The following CAMSAP1 variants were observed in gnomAD, a reference collection of about 807,000 sequenced individuals.
CAMSAP1 encodes calmodulin-regulated spectrin-associated protein 1.
In CAMSAP1, 58 loss-of-function variants were observed where a neutral mutation model predicts 143.5. The observed-to-expected ratio is 0.40, with a 90% CI of 0.33 to 0.50. CAMSAP1 has a LOEUF of 0.50. CAMSAP1 is among the 20% of genes least tolerant of loss of function. The pLI is 0.45. For missense variants in CAMSAP1, 1,969 were observed against 2,115.7 expected (o/e 0.93, Z 1.36); for synonymous variants, 945 against 859.3 (o/e 1.10, Z -1.74).
intron 3 of CAMSAP1, among the ~76,000 whole-genome samples, chr9:135,872,121 T>G (rs1391548086): frequency 6.7e-6 from 1 of 150,218 alleles, no homozygotes; most frequent in Non-Finnish European, 1.5e-5. Context: ...ACGGAAGAGA[T>G]CCTGAGACCA....
Position 135,811,460 on chromosome 9 carries a change from T to C in CAMSAP1, c.4658A>G (p.Asp1553Gly). ...GTCTGAGCTGTATTTATACAGTTTG[T>C]CGATCATTTTCTTGGTGATGTTCTT... ...GPKNITKKMI[D>G]KLYKYSSDRK... Residue 1553 changes from aspartate to glycine, a missense_variant, in exon 17 of 17, where the codon GAC (aspartate) becomes GGC (glycine). Around this residue, in one of 4 missense-constraint regions of CAMSAP1, gnomAD observed 143 missense variants for 200.6 expected, o/e 0.71. Transcript: ENST00000389532. This position sits in a 1 kb window ranked among gnomAD's most constrained non-coding sequence, Gnocchi z 4.9. 6.2e-7 allele frequency: 1 copy of C among 1,612,254 alleles called. No individual in the cohort carries two copies. Among genetic ancestry groups the C allele is most frequent in the Non-Finnish European group, 8.5e-7 (1 of 1,179,036 alleles).
chr9:135,871,500 T>C (rs891635233), intron 3 of CAMSAP1, among the ~76,000 whole-genome samples: 2 of 152,224 alleles, frequency 1.3e-5, no homozygotes, highest in African/African-American at 2.4e-5. Context: ...TAATTTGTTT[T>C]GAAAAATAGT....
intron 4 of CAMSAP1, among the ~76,000 whole-genome samples, chr9:135,863,514 A>G (rs1250382501): frequency 6.6e-6 from 1 of 152,244 alleles, no homozygotes; most frequent in African/African-American, 2.4e-5. Context: ...CCAGCAATCT[A>G]CAATAAAAAA....
chr9:135,812,156 G>A (rs1337598942), intron 16 of CAMSAP1, among the ~76,000 whole-genome samples: 1 of 152,132 alleles, frequency 6.6e-6, no homozygotes, highest in African/African-American at 2.4e-5. Context: ...ATAAATAACA[G>A]CACTATCCCT....
At chr9:135,878,459 T>C (rs1483700409) in intron 3 of CAMSAP1, among the ~76,000 whole-genome samples, 1 of 152,214 alleles carries the variant, frequency 6.6e-6, no homozygotes, top group Non-Finnish European at 1.5e-5. Context: ...AGCAGGCATC[T>C]TGGAAACATG....
rs553833326 is a variant in CAMSAP1 at position 135,852,356 on chromosome 9, A to C, written c.809-1895T>G. 2.4e-4 allele frequency among the ~76,000 whole-genome samples: 37 copies of C among 152,366 alleles called. No homozygotes were observed. The South Asian group carries it at 7.5e-3, about 31-fold the overall frequency. ...GAAAGTTTTACATTTTGATATGGTT[A>C]CATTTAACAATCTTTTCTATTTGTG... is the stretch of plus-strand genomic sequence containing the variant. On this transcript the variant is annotated intron_variant, in intron 5 of 16. Transcript: ENST00000389532.
intron 3 of CAMSAP1, among the ~76,000 whole-genome samples, chr9:135,876,094 T>A (rs113351946): frequency 0.018 from 2,754 of 152,306 alleles, 93 homozygotes; most frequent in African/African-American, 0.064. Flanking sequence ...TAGCTGGGAT[T>A]ACAGGCGCCC....
At position 135,828,602 on chromosome 9, in the gene CAMSAP1, C is replaced by G. The variant is rs367707658; in HGVS notation, c.1046-1018G>C. ...ACTATGACTCATGGCATACAAACTT[C>G]TAGGCCTGGAGAACCTCAAATTCTC... On this transcript the variant is annotated intron_variant, in intron 7 of 16. Transcript: ENST00000389532. Among the ~76,000 whole-genome samples the G allele has an allele frequency of 1.7e-4, 26 of 152,334 alleles. 1 individual carries two copies. In the East Asian group the frequency reaches 3.9e-3, roughly 23 times the overall value.
intron 3 of CAMSAP1, among the ~76,000 whole-genome samples, chr9:135,869,812 C>T (rs1001027927): frequency 3.3e-5 from 5 of 152,094 alleles, no homozygotes; most frequent in Non-Finnish European, 5.9e-5. Flanking sequence ...ATAAACAAAA[C>T]GAGGCGTAAG....
intron 3 of CAMSAP1, among the ~76,000 whole-genome samples, chr9:135,875,459 C>A (rs1837710327): frequency 6.6e-6 from 1 of 152,086 alleles, no homozygotes; most frequent in East Asian, 1.9e-4. Context: ...GACCCACCCG[C>A]CTCAGCCTCC....
chr9:135,833,108 G>T (rs531133872), intron 7 of CAMSAP1, among the ~76,000 whole-genome samples: 29 of 136,642 alleles, frequency 2.1e-4, no homozygotes, highest in African/African-American at 7.5e-4. Flanking sequence ...TTGAGACGGA[G>T]TCTCGCTCTG....
chr9:135,816,093 C>G (rs1835221264), intron 14 of CAMSAP1, 88 bp from the exon 15 acceptor site: 3 of 1,189,666 alleles, frequency 2.5e-6, no homozygotes. Flanking sequence ...GCAACCAGGA[C>G]AGGAAGCACA....
rs746598580 is a variant in CAMSAP1, at chr9:135,821,265, G to A, written c.3396C>T (p.His1132=). The change falls in exon 11 of 17, where the codon CAC becomes CAT. Residue 1132 remains histidine (H), a synonymous_variant. Coordinates refer to ENST00000389532, the MANE Select transcript of CAMSAP1 (RefSeq NM_015447.4). This position sits in a 1 kb window ranked among gnomAD's most constrained non-coding sequence, Gnocchi z 4.6. ...GGCTGCTGGCAGGGAAGGGTCTCAAGTGCGGGAGCGTCTCTACACTGGGCG... is the reference window on the plus strand; with the variant it reads ...GGCTGCTGGCAGGGAAGGGTCTCAAATGCGGGAGCGTCTCTACACTGGGCG... The part of the protein sequence containing the change: ...TPTPSVETLP[H]LRPFPASSHP... The A allele has an allele frequency of 2.5e-6, 4 of 1,609,512 alleles. No homozygotes were observed. Among genetic ancestry groups the A allele is most frequent in the East Asian group, 4.5e-5 (2 of 44,882 alleles).
chr9:135,882,882 G>A lies in CAMSAP1; in HGVS notation c.357C>T (p.Ile119=). The A allele has an allele frequency of 6.4e-7, 1 of 1,551,642 alleles. No individual in the cohort carries two copies. Among genetic ancestry groups the A allele is most frequent in the Non-Finnish European group, 8.7e-7 (1 of 1,147,004 alleles). The change falls in exon 2 of 17, where the codon ATC becomes ATT. Residue 119 remains isoleucine, a synonymous_variant. Coordinates refer to ENST00000389532, the MANE Select transcript of CAMSAP1 (RefSeq NM_015447.4). This position sits in a 1 kb window ranked among gnomAD's most constrained non-coding sequence, Gnocchi z 4.9. ...GGGTGTCATCACTCTCCATCACATA[G>A]ATCCCTTTCCGGGACAGGGCCTGGA... ...SVIQALSRKG[I]YVMESDDTPV...
chr9:135,815,924 C>T lies in CAMSAP1; in HGVS notation c.4353G>A (p.Ala1451=), dbSNP rs776993104. 14 of 1,613,658 alleles carry T rather than the reference C, an allele frequency of 8.7e-6. No homozygotes were observed. Among genetic ancestry groups the T allele is most frequent in the Middle Eastern group, 1.6e-4 (1 of 6,084 alleles). The change falls in exon 15 of 17, where the codon GCG becomes GCA. Residue 1451 remains alanine, a synonymous_variant. Coordinates refer to ENST00000389532, the MANE Select transcript of CAMSAP1 (RefSeq NM_015447.4). ...CGGCCACTGAGGCCAGGGAAGATGC[C>T]GCCGACGCGGTCTCCCAGTCTCGGT... ...STDRDWETAS[A]ASSLASVAEY...
chr9:135,902,863 G>A (rs1197927878), intron 1 of CAMSAP1, among the ~76,000 whole-genome samples: 1 of 152,196 alleles, frequency 6.6e-6, no homozygotes, highest in South Asian at 2.1e-4. Flanking sequence ...GTAAGGAGAG[G>A]GGATGAACTG....
At chr9:135,874,973 A>G (rs1837690502) in intron 3 of CAMSAP1, among the ~76,000 whole-genome samples, 3 of 152,250 alleles carry the variant, frequency 2.0e-5, no homozygotes, top group African/African-American at 4.8e-5. Context: ...TGTTACCCTG[A>G]AAAACCATAA....
chr9:135,823,986 C>G lies in CAMSAP1; in HGVS notation c.1364G>C (p.Arg455Pro). ...TTCTGGCCAGGCTATTGCTGCTCCT[C>G]GAGGCTGACCATCAACTCGGGTCAA... ...NSLTRVDGQP[R>P]GAAIAWPEKK... Residue 455 changes from arginine to proline, a missense_variant, in exon 10 of 17, where the codon CGA (arginine) becomes CCA (proline). By Grantham distance (103) the Arg-to-Pro change is moderately radical (BLOSUM62 -2). Coordinates refer to ENST00000389532, the MANE Select transcript of CAMSAP1 (RefSeq NM_015447.4). 1 of 1,589,384 alleles carries G rather than the reference C, an allele frequency of 6.3e-7. No homozygotes were observed. The highest frequency in any genetic ancestry group is 8.6e-7 in the Non-Finnish European group (1 of 1,167,478).
chr9:135,877,769 C>A (rs1837803299), intron 3 of CAMSAP1, among the ~76,000 whole-genome samples: 1 of 152,046 alleles, frequency 6.6e-6, no homozygotes, highest in Non-Finnish European at 1.5e-5. Flanking sequence ...CGCAATGACA[C>A]AACTGCACTC....
Sources: gnomAD v4.1 joint callset for allele counts (sites outside exome capture counted in the v4.1 genomes callset) on GRCh38, gnomAD v4.1.1 for gene constraint, gnomAD v4.1.1 regional missense constraint, Gnocchi (gnomAD v3.1) non-coding constraint, MANE v1.5 for transcripts, NCBI Gene and HGNC (gene_info 2026-07-23, HGNC 2026-07-21) for gene names.